SLC16A7: variants seen among roughly 807,000 people sequenced by gnomAD.
SLC16A7 encodes the protein solute carrier family 16 member 7.
SLC16A7 carries 33 observed loss-of-function variants against 34.9 expected under a neutral mutation model. The ratio of observed to expected loss-of-function variants is 0.94; its 90% confidence interval spans 0.72 to 1.26. The LOEUF is 1.26. SLC16A7 is among the 50% of genes most tolerant of loss of function. The pLI is 0.00. For synonymous variants in SLC16A7, 201 were observed against 206.6 expected (o/e 0.97, Z 0.23); for missense variants, 573 against 578.1 (o/e 0.99, Z 0.09).
chr12:59,611,359 C>A (rs1879185553), intron 1 of SLC16A7, among the ~76,000 whole-genome samples: 1 of 152,132 alleles, frequency 6.6e-6, no homozygotes, highest in African/African-American at 2.4e-5. Flanking sequence ...ATCATCAGAC[C>A]TTGTGAGAAC....
intron 4 of SLC16A7, among the ~76,000 whole-genome samples, chr12:59,774,110 G>A (rs1882499858): frequency 6.6e-6 from 1 of 152,132 alleles, no homozygotes; most frequent in African/African-American, 2.4e-5. Flanking sequence ...GGACTGTGAG[G>A]GATGTACAGC....
intron 1 of SLC16A7, among the ~76,000 whole-genome samples, chr12:59,620,409 A>G (rs1407142291): frequency 6.6e-6 from 1 of 152,002 alleles, no homozygotes; most frequent in East Asian, 1.9e-4. Flanking sequence ...ACAGCAAAAA[A>G]ATTAGAATTA....
chr12:59,704,225 G>GAAAAAAAAAAGA (rs1873267444), intron 2 of SLC16A7, among the ~76,000 whole-genome samples: 1 of 121,894 alleles, frequency 8.2e-6, no homozygotes. Flanking sequence ...AAAAGAAAAA[G>GAAAAAAAAAAGA]AAAAAAAAAA....
intron 1 of SLC16A7, among the ~76,000 whole-genome samples, chr12:59,603,578 A>AAT (rs1426141773): frequency 6.6e-6 from 1 of 152,202 alleles, no homozygotes; most frequent in Non-Finnish European, 1.5e-5. Context: ...GGATAGGTAG[A>AAT]ATAATTTTTC....
chr12:59,627,122 G>A (rs1436507484), intron 1 of SLC16A7, among the ~76,000 whole-genome samples: 3 of 151,866 alleles, frequency 2.0e-5, no homozygotes, highest in Admixed American at 2.0e-4. Flanking sequence ...CAATCTTGCA[G>A]TTCCCCACAG....
chr12:59,788,557 T>A lies in SLC16A7; in HGVS notation c.*8878T>A, dbSNP rs1254959973. The A allele has an allele frequency of 6.6e-6, 1 of 151,956 alleles. No individual in the cohort carries two copies. The highest frequency in any genetic ancestry group is 6.6e-5 in the Admixed American group (1 of 15,262). 9.4% of individuals were successfully genotyped at this position (151,956 alleles called of 1,614,324 possible). A position where few individuals can be genotyped will look rare whatever the true frequency, so the allele number is the denominator to read the frequency against. On this transcript the variant is annotated 3_prime_UTR_variant, in exon 6 of 6. Coordinates refer to ENST00000547379, the MANE Select transcript of SLC16A7 (RefSeq NM_001270623.2). Reference sequence around the variant, plus strand: ...CTTAAATCATGGCTGTATTATTTCATTTTTAAAGAAAATAAAGTATAAAAT... The same window carrying A: ...CTTAAATCATGGCTGTATTATTTCAATTTTAAAGAAAATAAAGTATAAAAT...
intron 1 of SLC16A7, among the ~76,000 whole-genome samples, chr12:59,642,096 A>G (rs967836313): frequency 6.6e-6 from 1 of 152,104 alleles, no homozygotes; most frequent in African/African-American, 2.4e-5. Context: ...CCTTTCTTAT[A>G]CATTTACATT....
chr12:59,603,840 C>T (rs934592947), intron 1 of SLC16A7, among the ~76,000 whole-genome samples: 1 of 151,982 alleles, frequency 6.6e-6, no homozygotes, highest in African/African-American at 2.4e-5. Flanking sequence ...TTCAATAAAC[C>T]ACCATCTATT....
chr12:59,728,884 C>G (rs1453484480), intron 3 of SLC16A7, among the ~76,000 whole-genome samples: 1 of 152,036 alleles, frequency 6.6e-6, no homozygotes, highest in Non-Finnish European at 1.5e-5. Context: ...AAAATAGGAA[C>G]CTAGAAATTC....
In SLC16A7 at chr12:59,596,785, G is replaced by A. The variant is rs1377107990; in HGVS notation, c.-130+549G>A. ...TGAGCAGATGATCAGGACAGGAAGA[G>A]GCTGTGAGGGGAAGACGAAATACCG... On this transcript the variant is annotated intron_variant, in intron 1 of 5. Coordinates refer to ENST00000547379, the MANE Select transcript of SLC16A7 (RefSeq NM_001270623.2). The surrounding 1 kb of genome is among the most constrained non-coding windows in gnomAD (Gnocchi z 5.0). 6.6e-6 allele frequency among the ~76,000 whole-genome samples: 1 copy of A among 152,208 alleles called. No individual in the cohort carries two copies. Among genetic ancestry groups the A allele is most frequent in the Non-Finnish European group, 1.5e-5 (1 of 68,028 alleles).
intron 3 of SLC16A7, among the ~76,000 whole-genome samples, chr12:59,745,027 G>A (rs1878744175): frequency 1.3e-5 from 2 of 152,162 alleles, no homozygotes; most frequent in Non-Finnish European, 2.9e-5. Context: ...GAATTGAGAG[G>A]TAGGGTAGAC....
chr12:59,683,674 A>C (rs1480527262), intron 2 of SLC16A7, among the ~76,000 whole-genome samples: 1 of 152,174 alleles, frequency 6.6e-6, no homozygotes, highest in African/African-American at 2.4e-5. Flanking sequence ...TTTAGGAAAA[A>C]GATTACTGCA....
intron 3 of SLC16A7, among the ~76,000 whole-genome samples, chr12:59,743,945 G>A (rs151258262): frequency 6.6e-6 from 1 of 152,280 alleles, no homozygotes; most frequent in African/African-American, 2.4e-5. Context: ...GAGAGAAAAT[G>A]AAATACTGAA....
chr12:59,632,549 C>T (rs1410882614), intron 1 of SLC16A7, among the ~76,000 whole-genome samples: 1 of 151,906 alleles, frequency 6.6e-6, no homozygotes, highest in Non-Finnish European at 1.5e-5. Context: ...TGTACTTGCA[C>T]AACCCTGAAT....
chr12:59,740,963 T>G (rs1878259474), intron 3 of SLC16A7, among the ~76,000 whole-genome samples: 1 of 152,166 alleles, frequency 6.6e-6, no homozygotes, highest in Admixed American at 6.5e-5. Context: ...CTTTCACAAT[T>G]GCTTCAAAGA....
At chr12:59,684,279 C>A (rs922694301) in intron 2 of SLC16A7, among the ~76,000 whole-genome samples, 10 of 152,090 alleles carry the variant, frequency 6.6e-5, no homozygotes, top group Non-Finnish European at 1.3e-4. Context: ...GACACCAAAT[C>A]CTTTAGAAAG....
rs1378651234 is a variant in SLC16A7, at chr12:59,690,668, C to T, written c.-30-14104C>T. ...TTTAGTTGTTCTTCTCTTCCTGGTG[C>T]AGAGAGGGAGACACCACTAAAAATA... On this transcript the variant is annotated intron_variant, in intron 2 of 5. Coordinates refer to ENST00000547379, the MANE Select transcript of SLC16A7 (RefSeq NM_001270623.2). Among the ~76,000 whole-genome samples the T allele has an allele frequency of 5.9e-5, 9 of 151,920 alleles. 1 individual carries two copies. Among genetic ancestry groups the T allele is most frequent in the Admixed American group, 5.9e-4 (9 of 15,204 alleles).
intron 3 of SLC16A7, among the ~76,000 whole-genome samples, chr12:59,741,496 C>CA (rs1878338653): frequency 6.6e-6 from 1 of 152,146 alleles, no homozygotes; most frequent in South Asian, 2.1e-4. Context: ...AAAAATAGGG[C>CA]AAAAAATCCA....
chr12:59,737,438 G>T (rs2706305), intron 3 of SLC16A7, among the ~76,000 whole-genome samples: 1 of 152,058 alleles, frequency 6.6e-6, no homozygotes, highest in East Asian at 1.9e-4. Flanking sequence ...AAAATAGTCA[G>T]TCCAATCTCT....
Sources: allele counts gnomAD v4.1 joint callset (sites outside exome capture counted in the v4.1 genomes callset), GRCh38; gene constraint gnomAD v4.1.1; non-coding constraint Gnocchi (gnomAD v3.1); transcripts MANE v1.5; gene names NCBI Gene and HGNC (gene_info 2026-07-23, HGNC 2026-07-21).